The following TMEM135 variants were observed in gnomAD, a reference collection of about 807,000 sequenced individuals.
TMEM135 encodes peroxisomal membrane protein 52.
TMEM135 carries 30 observed loss-of-function variants against 60.3 expected under a neutral mutation model. The ratio of observed to expected loss-of-function variants is 0.50; its 90% confidence interval spans 0.37 to 0.68. The LOEUF (loss-of-function observed/expected upper bound fraction) is 0.68, where lower values mean the gene tolerates loss of function less well. TMEM135 is among the 30% of genes least tolerant of loss of function. TMEM135 has a pLI of 0.00. For missense variants in TMEM135, 468 were observed against 548.8 expected, an observed-to-expected ratio of 0.85 and a Z score of 1.47; for synonymous variants, 190 against 186.7, an observed-to-expected ratio of 1.02 and a Z score of -0.14.
chr11:87,186,132 C>G (rs896841791), intron 5 of TMEM135, among the ~76,000 whole-genome samples: 7 of 152,136 alleles, frequency 4.6e-5, no homozygotes, highest in African/African-American at 1.7e-4. Flanking sequence ...GTCTCAATCT[C>G]TTGACTTCAT....
intron 3 of TMEM135, among the ~76,000 whole-genome samples, chr11:87,082,000 A>G (rs1475184992): frequency 6.6e-6 from 1 of 152,336 alleles, no homozygotes; most frequent in East Asian, 1.9e-4. Flanking sequence ...TGATGCAGTT[A>G]ACAATACTGG....
intron 5 of TMEM135, among the ~76,000 whole-genome samples, chr11:87,199,791 G>T (rs776167517): frequency 1.3e-5 from 2 of 152,112 alleles, no homozygotes; most frequent in Non-Finnish European, 2.9e-5. Flanking sequence ...TTAGCCAGGC[G>T]TGGTGGCACG....
intron 5 of TMEM135, among the ~76,000 whole-genome samples, chr11:87,170,388 CT>C (rs966186682): frequency 5.1e-4 from 77 of 152,226 alleles, no homozygotes; most frequent in African/African-American, 1.8e-3. Flanking sequence ...AATTTTCAGC[CT>C]TTTTGCACTG....
At position 87,092,861 on chromosome 11, in the gene TMEM135, T is replaced by A. The variant is rs556401317; in HGVS notation, c.396+1466T>A. ...AGGTAATCTCTCTTTTTTTCTCAAATTTTTTTTTAAGATTTACTTTTGAAG... is the reference window on the plus strand; with the variant it reads ...AGGTAATCTCTCTTTTTTTCTCAAAATTTTTTTTAAGATTTACTTTTGAAG... On this transcript the variant is annotated intron_variant, in intron 4 of 14. Transcript: ENST00000305494. 6.4e-3 allele frequency among the ~76,000 whole-genome samples: 963 copies of A among 150,930 alleles called. 10 individuals carry two copies. The highest frequency in any genetic ancestry group is 0.023 in the African/African-American group (922 of 40,508).
At chr11:87,243,386 G>T (rs1193519269) in intron 6 of TMEM135, among the ~76,000 whole-genome samples, 1 of 134,540 alleles carries the variant, frequency 7.4e-6, no homozygotes, top group Non-Finnish European at 1.6e-5. Flanking sequence ...CCAATTCTGT[G>T]AAGAAAGTCA....
chr11:87,041,943 A>G (rs1212936836), intron 1 of TMEM135, among the ~76,000 whole-genome samples: 1 of 152,224 alleles, frequency 6.6e-6, no homozygotes, highest in Non-Finnish European at 1.5e-5. Context: ...AGTTGCCATT[A>G]TTGCTAGAAA....
At chr11:87,054,827 C>G (rs1015806165) in intron 1 of TMEM135, among the ~76,000 whole-genome samples, 7 of 151,900 alleles carry the variant, frequency 4.6e-5, no homozygotes, top group Admixed American at 1.3e-4. Context: ...GTCAGAAACT[C>G]TCAAGCACAG....
At chr11:87,277,622 A>G (rs374463486) in intron 6 of TMEM135, among the ~76,000 whole-genome samples, 20 of 151,916 alleles carry the variant, frequency 1.3e-4, no homozygotes, top group African/African-American at 4.8e-4. Context: ...CCTGGGTTCA[A>G]TCAATTCTCC....
At chr11:87,313,353 AGTT>A (rs1942672384) in intron 10 of TMEM135, 69 bp from the exon 11 acceptor site, 5 of 1,242,336 alleles carry the variant, frequency 4.0e-6, no homozygotes, top group African/African-American at 3.0e-5. Flanking sequence ...TATTCATTAT[AGTT>A]GTTTTTGTTT....
rs564052278 is a variant in TMEM135, at chr11:87,266,196, G to C, written c.509+29512G>C. Among the ~76,000 whole-genome samples the C allele has an allele frequency of 2.0e-5, 3 of 152,090 alleles. No homozygotes were observed. In the East Asian group the frequency reaches 5.8e-4, roughly 29 times the overall value. ...GAGTTATCTATATTACAACTGGAAA[G>C]TTTTGTGTCTGCAAAGGGTAATAAT... is the stretch of plus-strand genomic sequence containing the variant. On this transcript the variant is annotated intron_variant, in intron 6 of 14. Coordinates refer to ENST00000305494, the MANE Select transcript of TMEM135 (RefSeq NM_022918.4).
chr11:87,202,381 A>C (rs1940123529), intron 5 of TMEM135, among the ~76,000 whole-genome samples: 2 of 152,136 alleles, frequency 1.3e-5, no homozygotes, highest in African/African-American at 4.8e-5. Context: ...GCTGGAGTGC[A>C]GTGGTGCAAT....
At chr11:87,192,095 C>A (rs1176300031) in intron 5 of TMEM135, among the ~76,000 whole-genome samples, 1 of 149,032 alleles carries the variant, frequency 6.7e-6, no homozygotes, top group Non-Finnish European at 1.5e-5. Context: ...GATCCCCCTG[C>A]CTCAGCCTCC....
chr11:87,280,301 C>T (rs1942037423), intron 6 of TMEM135, among the ~76,000 whole-genome samples: 1 of 152,058 alleles, frequency 6.6e-6, no homozygotes, highest in Non-Finnish European at 1.5e-5. Flanking sequence ...AACATCAAAC[C>T]TGGAGTATCT....
At position 87,326,087 on chromosome 11, in the gene TMEM135, G is replaced by GTTT. The variant is rs199909607; in HGVS notation, c.*4766_*4768dup. ...CAAACTACTATAGCTTGCCTGTTCA[G>GTTT]TTTTTTTTTTTTTTAATATTCAGTT... On this transcript the variant is annotated 3_prime_UTR_variant, in exon 15 of 15. Coordinates refer to ENST00000305494, the MANE Select transcript of TMEM135 (RefSeq NM_022918.4). 4 of 443,224 alleles carry GTTT rather than the reference G, an allele frequency of 9.0e-6. No homozygotes were observed. Among genetic ancestry groups the GTTT allele is most frequent in the Non-Finnish European group, 1.3e-5 (3 of 223,440 alleles). The allele number at this position is 443,224 out of a possible 1,614,324, so 27.5% of individuals were successfully genotyped here. A position where few individuals can be genotyped will look rare whatever the true frequency, so the allele number is the denominator to read the frequency against.
At position 87,322,935 on chromosome 11, in the gene TMEM135, A is replaced by C; in HGVS notation, c.*1602A>C. 2.2e-6 allele frequency: 1 copy of C among 454,410 alleles called. No homozygotes were observed. The highest frequency in any genetic ancestry group is 4.4e-6 in the Non-Finnish European group (1 of 226,730). 28.1% of individuals were successfully genotyped at this position (454,410 alleles called of 1,614,324 possible). ...GTTTCAGACTTCAAAGTTGATTAAT[A>C]AATTTAATCTTAACTTTTTATTCAC... On this transcript the variant is annotated 3_prime_UTR_variant, in exon 15 of 15. Transcript: ENST00000305494.
chr11:87,267,139 A>G (rs1278440798), intron 6 of TMEM135, among the ~76,000 whole-genome samples: 1 of 152,086 alleles, frequency 6.6e-6, no homozygotes, highest in African/African-American at 2.4e-5. Flanking sequence ...AGTCCAAAGA[A>G]CTCTGCCATG....
At chr11:87,058,130 C>T (rs565528934) in intron 1 of TMEM135, among the ~76,000 whole-genome samples, 4 of 152,158 alleles carry the variant, frequency 2.6e-5, no homozygotes, top group Non-Finnish European at 5.9e-5. Context: ...ATGAAGCCTA[C>T]TCACATTAGG....
At chr11:87,140,633 A>G (rs1469540036) in intron 4 of TMEM135, among the ~76,000 whole-genome samples, 1 of 152,178 alleles carries the variant, frequency 6.6e-6, no homozygotes, top group Admixed American at 6.5e-5. Flanking sequence ...TTTGGATGGT[A>G]TAATCTGCAG....
intron 5 of TMEM135, among the ~76,000 whole-genome samples, chr11:87,174,423 C>A (rs769941997): frequency 2.0e-5 from 3 of 152,038 alleles, no homozygotes; most frequent in Non-Finnish European, 2.9e-5. Context: ...TTCTTTTATT[C>A]TTCTGTTGTT....
Sources: allele counts gnomAD v4.1 joint callset (sites outside exome capture counted in the v4.1 genomes callset), GRCh38; gene constraint gnomAD v4.1.1; transcripts MANE v1.5; gene names NCBI Gene and HGNC (gene_info 2026-07-23, HGNC 2026-07-21).